The following DIS3L2 variants were observed in gnomAD, a reference collection of about 807,000 sequenced individuals.
The protein encoded by DIS3L2 is DIS3-like exonuclease 2.
DIS3L2 carries 34 observed loss-of-function variants against 97.5 expected under a neutral mutation model. That is an observed-to-expected ratio of 0.35 (90% CI 0.27 to 0.46). The LOEUF (loss-of-function observed/expected upper bound fraction) is 0.46. Ranked by LOEUF, DIS3L2 falls within the 20% of genes least tolerant of loss-of-function variation. DIS3L2 has a pLI of 1.00. For missense variants in DIS3L2, 1,038 were observed against 1,146.0 expected (o/e 0.91, Z 1.36); for synonymous variants, 435 against 445.2 (o/e 0.98, Z 0.29).
intron 10 of DIS3L2, among the ~76,000 whole-genome samples, chr2:232,234,431 C>A (rs1692879514): frequency 6.6e-6 from 1 of 152,214 alleles, no homozygotes; most frequent in African/African-American, 2.4e-5. Context: ...CTCACTGCAA[C>A]CTCCACCTCC....
chr2:232,142,290 C>T (rs746028958), intron 8 of DIS3L2, among the ~76,000 whole-genome samples: 4 of 152,120 alleles, frequency 2.6e-5, no homozygotes, highest in Non-Finnish European at 5.9e-5. Context: ...AAAGCTGTGT[C>T]TTCAACACTG....
intron 5 of DIS3L2, among the ~76,000 whole-genome samples, chr2:232,056,258 C>G (rs1337300775): frequency 6.6e-6 from 1 of 152,070 alleles, no homozygotes; most frequent in East Asian, 1.9e-4. Context: ...GTAGTCACAG[C>G]TACTCAGGAG....
intron 6 of DIS3L2, among the ~76,000 whole-genome samples, chr2:232,095,738 A>G (rs1387526211): frequency 6.6e-6 from 1 of 152,156 alleles, no homozygotes; most frequent in African/African-American, 2.4e-5. Context: ...CGTTTCTTCT[A>G]GGACAAGTCT....
At chr2:232,105,860 C>T (rs556940101) in intron 6 of DIS3L2, among the ~76,000 whole-genome samples, 1 of 152,284 alleles carries the variant, frequency 6.6e-6, no homozygotes, top group East Asian at 1.9e-4. Flanking sequence ...ACTTGAAGGC[C>T]CCTGTGCCTA....
chr2:232,215,934 C>A (rs1008494382), intron 10 of DIS3L2, among the ~76,000 whole-genome samples: 1 of 152,194 alleles, frequency 6.6e-6, no homozygotes, highest in Non-Finnish European at 1.5e-5. Context: ...TTCCTGGGCT[C>A]TTTTCTCACC....
chr2:232,284,104 C>T (rs1419595865), intron 13 of DIS3L2, among the ~76,000 whole-genome samples: 2 of 152,038 alleles, frequency 1.3e-5, no homozygotes, highest in Non-Finnish European at 2.9e-5. Flanking sequence ...CAGCATTGCC[C>T]CCAGGAAATA....
At chr2:232,002,487 C>A (rs1379358302) in intron 1 of DIS3L2, among the ~76,000 whole-genome samples, 4 of 152,184 alleles carry the variant, frequency 2.6e-5, no homozygotes, top group Non-Finnish European at 4.4e-5. Flanking sequence ...ATTCCACAAT[C>A]ATGAACATGG....
intron 6 of DIS3L2, among the ~76,000 whole-genome samples, chr2:232,088,158 T>C (rs1054466726): frequency 7.2e-5 from 11 of 152,168 alleles, no homozygotes; most frequent in East Asian, 3.8e-4. Flanking sequence ...CCCAGCACTT[T>C]GGGAGGCCGA....
chr2:232,141,650 G>A (rs1472867330), intron 8 of DIS3L2, among the ~76,000 whole-genome samples: 1 of 152,158 alleles, frequency 6.6e-6, no homozygotes, highest in Non-Finnish European at 1.5e-5. Flanking sequence ...AGATGACGGA[G>A]TGAGGTGAAA....
chr2:232,226,849 G>T (rs1483189516), intron 10 of DIS3L2, among the ~76,000 whole-genome samples: 2 of 152,150 alleles, frequency 1.3e-5, no homozygotes, highest in Non-Finnish European at 2.9e-5. Context: ...CTTGCCTGTA[G>T]TCTCAGCTGC....
intron 14 of DIS3L2, 60 bp from the exon 15 acceptor site, chr2:232,329,753 A>G: frequency 7.1e-7 from 1 of 1,411,238 alleles, no homozygotes; most frequent in East Asian, 2.7e-5. Context: ...CAGCGTGGGA[A>G]AGCCTGCGCA....
At chr2:231,985,311 A>G (rs767546903) in intron 1 of DIS3L2, among the ~76,000 whole-genome samples, 5 of 152,244 alleles carry the variant, frequency 3.3e-5, no homozygotes, top group African/African-American at 9.6e-5. Context: ...CCAGAATGCT[A>G]TATAAACAGA....
At chr2:232,306,634 T>C (rs1024061177) in intron 14 of DIS3L2, among the ~76,000 whole-genome samples, 2 of 152,250 alleles carry the variant, frequency 1.3e-5, no homozygotes, top group African/African-American at 4.8e-5. Flanking sequence ...CTGAATAAAC[T>C]TAAATATGGT....
intron 10 of DIS3L2, among the ~76,000 whole-genome samples, chr2:232,237,587 G>A (rs1266038441): frequency 2.0e-5 from 3 of 152,014 alleles, no homozygotes; most frequent in Non-Finnish European, 4.4e-5. Context: ...GAGATATGCC[G>A]TGATATCTGG....
intron 8 of DIS3L2, among the ~76,000 whole-genome samples, chr2:232,148,520 C>T (rs946369338): frequency 8.5e-5 from 13 of 152,158 alleles, no homozygotes; most frequent in Admixed American, 6.5e-4. Flanking sequence ...GAAATGTTCT[C>T]TGGAACTCGT....
intron 3 of DIS3L2, among the ~76,000 whole-genome samples, chr2:232,017,893 C>T (rs1694400669): frequency 2.0e-5 from 3 of 152,298 alleles, no homozygotes; most frequent in Admixed American, 6.5e-5. Context: ...TTATTCTAAA[C>T]TTAACACCAT....
At chr2:232,077,415 C>T (rs1696226922) in intron 5 of DIS3L2, among the ~76,000 whole-genome samples, 1 of 151,834 alleles carries the variant, frequency 6.6e-6, no homozygotes, top group Admixed American at 6.6e-5. Flanking sequence ...GGGGTGAGGT[C>T]AAATAGATTA....
At chr2:232,010,356 T>C (rs1559538153) in intron 1 of DIS3L2, among the ~76,000 whole-genome samples, 1 of 152,304 alleles carries the variant, frequency 6.6e-6, no homozygotes, top group South Asian at 2.1e-4. Flanking sequence ...AAACTGAAAT[T>C]TATTTTGGAA....
chr2:232,241,692 C>T (rs1035277123), intron 11 of DIS3L2, among the ~76,000 whole-genome samples: 2 of 152,146 alleles, frequency 1.3e-5, no homozygotes, highest in African/African-American at 4.8e-5. Flanking sequence ...GGACACCTGC[C>T]CACCTGAATT....
Sources: gnomAD v4.1 joint callset for allele counts (sites outside exome capture counted in the v4.1 genomes callset) on GRCh38, gnomAD v4.1.1 for gene constraint, MANE v1.5 for transcripts, NCBI Gene and HGNC (gene_info 2026-07-23, HGNC 2026-07-21) for gene names.